COPG2: variants seen among roughly 807,000 people sequenced by gnomAD.
COPG2 encodes the protein coat protein complex I subunit gamma 2.
COPG2 carries 37 observed loss-of-function variants against 46.3 expected under a neutral mutation model. That is an observed-to-expected ratio of 0.80 (90% CI 0.61 to 1.05). COPG2 has a LOEUF of 1.05. Among genes scored for constraint, COPG2 ranks in the 50% least tolerant of loss-of-function variants. The pLI is 0.00. For synonymous variants in COPG2, 159 were observed against 129.7 expected, an observed-to-expected ratio of 1.23 and a Z score of -1.53; for missense variants, 427 against 387.8, an observed-to-expected ratio of 1.10 and a Z score of -0.85.
chr7:130,561,827 C>A (rs1427338069), intron 11 of COPG2, among the ~76,000 whole-genome samples: 1 of 152,178 alleles, frequency 6.6e-6, no homozygotes, highest in Non-Finnish European at 1.5e-5. Flanking sequence ...CAAAACATGA[C>A]CCAAACTAAT....
chr7:130,543,656 T>A (rs999936192), intron 20 of COPG2, among the ~76,000 whole-genome samples: 3 of 152,272 alleles, frequency 2.0e-5, no homozygotes, highest in African/African-American at 7.2e-5. Context: ...ATATTCACAT[T>A]GTGAATCAAT....
chr7:130,509,961 G>A, intron 20 of COPG2: 1 of 471,626 alleles, frequency 2.1e-6, no homozygotes, highest in South Asian at 1.5e-5. Flanking sequence ...AAAGGAAAGA[G>A]GCCAGAAAGT....
chr7:130,591,059 C>A (rs1361786136), intron 9 of COPG2, among the ~76,000 whole-genome samples: 2 of 150,152 alleles, frequency 1.3e-5, no homozygotes, highest in Non-Finnish European at 3.0e-5. Flanking sequence ...GTCAGCCCCC[C>A]GCCCGGCCAG....
At chr7:130,639,102 T>G (rs13243136) in intron 5 of COPG2, among the ~76,000 whole-genome samples, 1 of 151,868 alleles carries the variant, frequency 6.6e-6, no homozygotes, top group African/African-American at 2.4e-5. Flanking sequence ...GGTACCTCGG[T>G]TGGAAATGCA....
chr7:130,591,710 C>T (rs1177729507), intron 9 of COPG2, among the ~76,000 whole-genome samples: 1 of 149,274 alleles, frequency 6.7e-6, no homozygotes, highest in Non-Finnish European at 1.5e-5. Context: ...AGCCAGCCGC[C>T]CAGTCCGGGA....
At chr7:130,615,235 TC>T (rs1794929737) in intron 6 of COPG2, among the ~76,000 whole-genome samples, 1 of 152,210 alleles carries the variant, frequency 6.6e-6, no homozygotes, top group Non-Finnish European at 1.5e-5. Flanking sequence ...GCCAGTGCAT[TC>T]TTTTATACTT....
intron 11 of COPG2, among the ~76,000 whole-genome samples, chr7:130,562,045 T>A (rs1035730865): frequency 2.0e-5 from 3 of 152,184 alleles, no homozygotes; most frequent in Non-Finnish European, 4.4e-5. Flanking sequence ...TGAGGGATTG[T>A]AGACCTGTAT....
chr7:130,515,328 TAG>T (rs1799670260), intron 20 of COPG2, among the ~76,000 whole-genome samples: 2 of 151,784 alleles, frequency 1.3e-5, no homozygotes, highest in Non-Finnish European at 1.5e-5. Context: ...AGGAGAAAGA[TAG>T]AGAGTGGGAG....
chr7:130,625,123 G>T (rs1174445573), intron 5 of COPG2, among the ~76,000 whole-genome samples: 1 of 152,148 alleles, frequency 6.6e-6, no homozygotes, highest in African/African-American at 2.4e-5. Context: ...AAATAAAGTG[G>T]TATCTCATTG....
intron 5 of COPG2, among the ~76,000 whole-genome samples, chr7:130,638,512 T>C (rs1399846725): frequency 6.6e-6 from 1 of 152,138 alleles, no homozygotes; most frequent in South Asian, 2.1e-4. Context: ...TCTGGGCACC[T>C]TTGTTTATAC....
chr7:130,554,813 C>G (rs1285613600), intron 13 of COPG2, 89 bp from the exon 14 acceptor site: 4 of 397,970 alleles, frequency 1.0e-5, no homozygotes, highest in Non-Finnish European at 1.3e-5. Context: ...TTATAATATT[C>G]AAATTTCATT....
rs1037587523 is a variant in COPG2 at position 130,523,949 on chromosome 7, T to C, written c.2150-15290A>G. 5.9e-5 allele frequency among the ~76,000 whole-genome samples: 9 copies of C among 151,300 alleles called. No individual in the cohort carries two copies. The East Asian group carries it at 1.6e-3, about 26-fold the overall frequency. On this transcript the variant is annotated intron_variant, in intron 20 of 23. Coordinates refer to ENST00000425248, the MANE Select transcript of COPG2 (RefSeq NM_012133.6). ...AGAGTCAGGTTGAGACTGGGTGCGT[T>C]TGTGCTGGCGGGGCAGGGGGATGAG... is the stretch of plus-strand genomic sequence containing the variant.
At chr7:130,609,185 T>C in intron 9 of COPG2, among the ~76,000 whole-genome samples, 1 of 152,110 alleles carries the variant, frequency 6.6e-6, no homozygotes, top group East Asian at 1.9e-4. Flanking sequence ...CCAGCCCCTT[T>C]CATTCATTTT....
chr7:130,571,346 C>G (rs1044928986), intron 9 of COPG2, among the ~76,000 whole-genome samples: 4 of 151,714 alleles, frequency 2.6e-5, no homozygotes, highest in Non-Finnish European at 4.4e-5. Flanking sequence ...AACAAATCAG[C>G]AAGAAAAAAA....
chr7:130,600,054 C>T (rs797040735), intron 9 of COPG2, among the ~76,000 whole-genome samples: 3 of 152,248 alleles, frequency 2.0e-5, no homozygotes, highest in African/African-American at 7.2e-5. Flanking sequence ...TACAGTCTTA[C>T]ATTTTTATAC....
chr7:130,555,607 A>C (rs1793608214), intron 12 of COPG2, among the ~76,000 whole-genome samples: 1 of 152,168 alleles, frequency 6.6e-6, no homozygotes, highest in African/African-American at 2.4e-5. Flanking sequence ...TGGGTGGATC[A>C]CCAAAGGTCA....
chr7:130,583,178 T>C (rs1356673616), intron 9 of COPG2, among the ~76,000 whole-genome samples: 22 of 151,682 alleles, frequency 1.5e-4, no homozygotes, highest in African/African-American at 3.4e-4. Context: ...TAAAAAATGA[T>C]GAGTTCATGT....
chr7:130,607,285 A>G (rs1794752544), intron 9 of COPG2: 1 of 162,112 alleles, frequency 6.2e-6, no homozygotes, highest in African/African-American at 2.4e-5. Flanking sequence ...AAATAAATAA[A>G]GTCATGGACA....
intron 5 of COPG2, among the ~76,000 whole-genome samples, chr7:130,634,045 T>C (rs879968546): frequency 6.6e-6 from 1 of 152,240 alleles, no homozygotes. Context: ...TGTGGTGTTA[T>C]TTCTGAGGCC....
Sources: allele counts gnomAD v4.1 joint callset (sites outside exome capture counted in the v4.1 genomes callset), GRCh38; gene constraint gnomAD v4.1.1; transcripts MANE v1.5; gene names NCBI Gene and HGNC (gene_info 2026-07-23, HGNC 2026-07-21).